The following UBE2W variants were observed in gnomAD, a reference collection of about 807,000 sequenced individuals.
The protein encoded by UBE2W is ubiquitin-conjugating enzyme E2 W.
In UBE2W, 18 loss-of-function variants were observed where a neutral mutation model predicts 27.2. The ratio of observed to expected loss-of-function variants is 0.66; its 90% CI spans 0.46 to 0.98. The LOEUF (loss-of-function observed/expected upper bound fraction) is 0.98, where lower values mean the gene tolerates loss of function less well. UBE2W is among the 50% of genes least tolerant of loss of function. The pLI is 0.00. For missense variants in UBE2W, 90 were observed against 180.2 expected (o/e 0.50, Z 2.87); for synonymous variants, 53 against 57.2 (o/e 0.93, Z 0.33).
Position 73,792,302 on chromosome 8 carries a change from G to A in UBE2W, c.*1800C>T. On this transcript the variant is annotated 3_prime_UTR_variant, in exon 6 of 6. Coordinates refer to ENST00000602593, the MANE Select transcript of UBE2W (RefSeq NM_018299.6). The stretch of plus-strand genomic sequence containing the variant: ...TTTTAAAAGTGGTAATTGTTAACTA[G>A]CAGTATATAAACAGTGTCCACAATT... The A allele has an allele frequency of 6.1e-6, 6 of 985,054 alleles. No individual in the cohort carries two copies. Among genetic ancestry groups the A allele is most frequent in the Non-Finnish European group, 7.2e-6 (6 of 829,702 alleles). The allele number at this position is 985,054 out of a possible 1,614,324, so 61.0% of individuals were successfully genotyped here.
At chr8:73,813,675 A>G (rs1299257298) in intron 3 of UBE2W, among the ~76,000 whole-genome samples, 2 of 152,098 alleles carry the variant, frequency 1.3e-5, no homozygotes, top group African/African-American at 2.4e-5. Flanking sequence ...CCAGAGGTGA[A>G]TTTCTGAAAT....
intron 1 of UBE2W, among the ~76,000 whole-genome samples, chr8:73,834,600 GAACTTGTCTCTAAT>G (rs1395786737): frequency 1.3e-5 from 2 of 152,094 alleles, no homozygotes; most frequent in African/African-American, 4.8e-5. Context: ...AACACAGCAA[GAACTTGTCTCTAAT>G]AACATTAAAC....
intron 1 of UBE2W, among the ~76,000 whole-genome samples, chr8:73,839,267 A>G (rs994169548): frequency 6.6e-6 from 1 of 151,422 alleles, no homozygotes; most frequent in Non-Finnish European, 1.5e-5. Context: ...ATTACTGTTT[A>G]GAATGAATAC....
downstream of UBE2W, among the ~76,000 whole-genome samples, chr8:73,781,929 C>CTTTTTTTTT (rs71269945): frequency 3.1e-5 from 3 of 96,012 alleles, no homozygotes; most frequent in African/African-American, 1.1e-4. Context: ...TAAAAGCCTC[C>CTTTTTTTTT]TTTTTTTTTT....
chr8:73,788,699 C>G lies in UBE2W; in HGVS notation c.*5403G>C, dbSNP rs1348015105. ...CAAGTGATGTCATTTTGAAATCATG[C>G]TTTTGCCTTTGAGAAAACAACTTAG... On this transcript the variant is annotated 3_prime_UTR_variant, in exon 6 of 6. Coordinates refer to ENST00000602593, the MANE Select transcript of UBE2W (RefSeq NM_018299.6). 2 of 985,356 alleles carry G rather than the reference C, an allele frequency of 2.0e-6. No homozygotes were observed. The highest frequency in any genetic ancestry group is 2.4e-6 in the Non-Finnish European group (2 of 829,918). 61.0% of individuals were successfully genotyped at this position (985,356 alleles called of 1,614,324 possible).
chr8:73,849,226 T>C (rs551525912), intron 1 of UBE2W, among the ~76,000 whole-genome samples: 17 of 152,148 alleles, frequency 1.1e-4, no homozygotes, highest in African/African-American at 3.9e-4. Context: ...TAAAAAATAT[T>C]GTAGGCCAGG....
Position 73,790,936 on chromosome 8 carries a change from T to G in UBE2W, c.*3166A>C, listed in dbSNP as rs1367981648. 1.1e-5 allele frequency: 11 copies of G among 981,338 alleles called. No individual in the cohort carries two copies. The African/African-American group carries it at 1.8e-4, about 16-fold the overall frequency. The allele number at this position is 981,338 out of a possible 1,614,324, so 60.8% of individuals were successfully genotyped here. On this transcript the variant is annotated 3_prime_UTR_variant, in exon 6 of 6. Transcript: ENST00000602593. ...CTAATGATATATATATTTGCATATA[T>G]TTAAAATTTCATGAGGGAAAAGGTA...
At chr8:73,859,148 T>A (rs1200345967) in intron 1 of UBE2W, among the ~76,000 whole-genome samples, 1 of 152,166 alleles carries the variant, frequency 6.6e-6, no homozygotes, top group Non-Finnish European at 1.5e-5. Context: ...TCTGCCTTTG[T>A]CACTCCTGAG....
intron 1 of UBE2W, among the ~76,000 whole-genome samples, chr8:73,857,244 T>C (rs1453213260): frequency 1.3e-5 from 2 of 151,360 alleles, no homozygotes; most frequent in South Asian, 2.1e-4. Context: ...CATCAACAAG[T>C]AGGAAAAAAA....
At chr8:73,843,578 T>A (rs1050735776) in intron 1 of UBE2W, among the ~76,000 whole-genome samples, 7 of 152,190 alleles carry the variant, frequency 4.6e-5, no homozygotes, top group African/African-American at 1.4e-4. Flanking sequence ...CAGGTTATAG[T>A]GAGTTATGAT....
At chr8:73,813,083 CA>C (rs56094830) in intron 3 of UBE2W, among the ~76,000 whole-genome samples, 1,010 of 43,372 alleles carry the variant, frequency 0.023, 6 homozygotes, top group African/African-American at 0.078. Context: ...GAAAGTGCCA[CA>C]AAAAAAAAAA....
intron 1 of UBE2W, 49 bp from the exon 2 acceptor site, chr8:73,830,521 G>A (rs576312205): frequency 1.3e-6 from 2 of 1,484,132 alleles, no homozygotes; most frequent in Admixed American, 1.7e-5. Flanking sequence ...ACTAGGTCTG[G>A]GTCACCCAGG....
rs1423978191 is a variant in UBE2W at position 73,787,465 on chromosome 8, A to C, written c.*6637T>G. 1 of 985,236 alleles carries C rather than the reference A, an allele frequency of 1.0e-6. No individual in the cohort carries two copies. Among genetic ancestry groups the C allele is most frequent in the East Asian group, 1.1e-4 (1 of 8,836 alleles). 61.0% of individuals were successfully genotyped at this position (985,236 alleles called of 1,614,324 possible). A position where few individuals can be genotyped will look rare whatever the true frequency, so the allele number is the denominator to read the frequency against. Reference sequence around the variant, plus strand: ...ATCATCAAAGTACAAAAGATGGTTCATATATTTATCTAACCATCTACTAAC... The same window carrying C: ...ATCATCAAAGTACAAAAGATGGTTCCTATATTTATCTAACCATCTACTAAC... On this transcript the variant is annotated 3_prime_UTR_variant, in exon 6 of 6. Coordinates refer to ENST00000602593, the MANE Select transcript of UBE2W (RefSeq NM_018299.6).
chr8:73,800,363 G>T (rs1808587313), intron 5 of UBE2W, among the ~76,000 whole-genome samples: 1 of 152,008 alleles, frequency 6.6e-6, no homozygotes, highest in Admixed American at 6.6e-5. Context: ...CAGCATTCAA[G>T]CAAGAGGAGA....
chr8:73,794,249 A>C, intron 5 of UBE2W, 134 bp from the exon 6 acceptor site: 1 of 1,039,224 alleles, frequency 9.6e-7, no homozygotes, highest in Non-Finnish European at 1.4e-6. Context: ...CCTCCCCCAA[A>C]CCTGTGAATA....
At chr8:73,814,771 C>T (rs1247646239) in intron 3 of UBE2W, among the ~76,000 whole-genome samples, 5 of 152,236 alleles carry the variant, frequency 3.3e-5, no homozygotes, top group Non-Finnish European at 5.9e-5. Flanking sequence ...CCGCCCGCCT[C>T]GGCTTCCCAG....
intron 1 of UBE2W, among the ~76,000 whole-genome samples, chr8:73,840,116 G>A (rs1273193051): frequency 9.9e-5 from 15 of 151,872 alleles, no homozygotes. Flanking sequence ...GAGTGCAGTG[G>A]TGCGATCTCG....
intron 1 of UBE2W, among the ~76,000 whole-genome samples, chr8:73,863,980 T>C (rs1811637361): frequency 6.7e-6 from 1 of 150,042 alleles, no homozygotes; most frequent in African/African-American, 2.5e-5. Flanking sequence ...AAGTATGATC[T>C]ACAGTAGAAA....
intron 1 of UBE2W, among the ~76,000 whole-genome samples, chr8:73,867,737 G>A (rs965332218): frequency 6.6e-6 from 1 of 150,900 alleles, no homozygotes; most frequent in African/African-American, 2.4e-5. Flanking sequence ...AAAAATTATT[G>A]GGCAAAAAAT....
Sources: gnomAD v4.1 joint callset for allele counts (sites outside exome capture counted in the v4.1 genomes callset) on GRCh38, gnomAD v4.1.1 for gene constraint, MANE v1.5 for transcripts, NCBI Gene and HGNC (gene_info 2026-07-23, HGNC 2026-07-21) for gene names.